ZNF804A: variants seen among roughly 807,000 people sequenced by gnomAD.
The protein encoded by ZNF804A is zinc finger protein 804A.
A neutral mutation model predicts 16.5 loss-of-function variants in ZNF804A; 2 were observed. The ratio of observed to expected loss-of-function variants is 0.12; its 90% CI spans 0.05 to 0.38. The LOEUF (loss-of-function observed/expected upper bound fraction) is 0.38, where lower values mean the gene tolerates loss of function less well. ZNF804A is among the 10% of genes least tolerant of loss of function. The pLI is 0.99. For synonymous variants in ZNF804A, 534 were observed against 489.6 expected, an observed-to-expected ratio of 1.09 and a Z score of -1.20; for missense variants, 1,473 against 1,390.7, an observed-to-expected ratio of 1.06 and a Z score of -0.94.
intron 1 of ZNF804A, among the ~76,000 whole-genome samples, chr2:184,656,506 T>C (rs928005219): frequency 6.6e-6 from 1 of 152,116 alleles, no homozygotes; most frequent in Non-Finnish European, 1.5e-5. Context: ...GAAAAAGTAG[T>C]GCTTACATAT....
chr2:184,920,001 T>C (rs1685505316), intron 2 of ZNF804A, among the ~76,000 whole-genome samples: 2 of 151,956 alleles, frequency 1.3e-5, no homozygotes, highest in South Asian at 4.2e-4. Context: ...TGTAGTTCCA[T>C]CTACTCGGGA....
intron 1 of ZNF804A, among the ~76,000 whole-genome samples, chr2:184,652,713 C>T (rs147390432): frequency 2.0e-5 from 3 of 152,122 alleles, no homozygotes; most frequent in African/African-American, 7.2e-5. Flanking sequence ...CTATATGGTT[C>T]GGCTGTGTCC....
intron 1 of ZNF804A, among the ~76,000 whole-genome samples, chr2:184,628,585 T>G (rs1574138086): frequency 6.6e-6 from 1 of 152,234 alleles, no homozygotes. Context: ...AATTAAATAT[T>G]TTTCAGTGAG....
chr2:184,752,705 C>T (rs996233188), intron 1 of ZNF804A, among the ~76,000 whole-genome samples: 7 of 151,398 alleles, frequency 4.6e-5, no homozygotes, highest in South Asian at 4.2e-4. Context: ...ATTCCTAATA[C>T]GTAAAGCTTA....
At chr2:184,721,112 TTAAACA>T (rs1298925946) in intron 1 of ZNF804A, among the ~76,000 whole-genome samples, 3 of 152,102 alleles carry the variant, frequency 2.0e-5, no homozygotes, top group African/African-American at 7.2e-5. Flanking sequence ...AATGAAAGAC[TTAAACA>T]TAAGACTCAA....
rs770834754 is a variant in ZNF804A at position 184,936,867 on chromosome 2, G to A, written c.1471G>A (p.Asp491Asn). 4 of 1,613,220 alleles carry A rather than the reference G, an allele frequency of 2.5e-6. No individual in the cohort carries two copies. Among genetic ancestry groups the A allele is most frequent in the Admixed American group, 3.3e-5 (2 of 59,836 alleles). Residue 491 changes from aspartate to asparagine, a missense_variant, in exon 4 of 4, where the codon GAC becomes AAC. Physicochemically the swap from Asp to Asn is conservative, Grantham distance 23. Coordinates refer to ENST00000302277, the MANE Select transcript of ZNF804A (RefSeq NM_194250.2). ...TCTTTGTTCTCAGCAGAAGCAGGAA[G>A]ACATTTGCATGGGACCACTTTCAGA... ...KDLCSQQKQE[D>N]ICMGPLSDYK...
At chr2:184,704,805 G>A (rs1385365908) in intron 1 of ZNF804A, among the ~76,000 whole-genome samples, 1 of 152,132 alleles carries the variant, frequency 6.6e-6, no homozygotes, top group East Asian at 1.9e-4. Flanking sequence ...ACACTGGGAA[G>A]GATAAAAAGC....
intron 2 of ZNF804A, among the ~76,000 whole-genome samples, chr2:184,912,085 T>C (rs373347263): frequency 2.6e-5 from 4 of 151,950 alleles, no homozygotes; most frequent in African/African-American, 9.7e-5. Flanking sequence ...GTGAACACCA[T>C]CCTTTTCTAG....
At chr2:184,890,473 T>C (rs868258929) in intron 2 of ZNF804A, among the ~76,000 whole-genome samples, 5 of 152,092 alleles carry the variant, frequency 3.3e-5, no homozygotes, top group Admixed American at 6.5e-5. Flanking sequence ...TAGAAGCAAA[T>C]GCTTCTTGGA....
At chr2:184,605,797 G>T (rs2105667834) in intron 1 of ZNF804A, among the ~76,000 whole-genome samples, 1 of 152,140 alleles carries the variant, frequency 6.6e-6, no homozygotes, top group East Asian at 1.9e-4. Context: ...AGAGATAACT[G>T]TGTACTGTAT....
intron 2 of ZNF804A, among the ~76,000 whole-genome samples, chr2:184,871,512 A>G (rs1356909643): frequency 2.6e-5 from 4 of 151,446 alleles, no homozygotes; most frequent in Non-Finnish European, 4.4e-5. Context: ...AAATAAACAT[A>G]TATATATATA....
Position 184,936,236 on chromosome 2 carries a change from AC to A in ZNF804A, c.842del (p.Pro281GlnfsTer16). On this transcript the variant is annotated frameshift_variant, in exon 4 of 4. Coordinates refer to ENST00000302277, the MANE Select transcript of ZNF804A (RefSeq NM_194250.2). LOFTEE classifies it low-confidence loss of function (END_TRUNC). ...SEEKTNSFHP[P>X]EAMCRDKETV... ...AGGAGAAAACTAACTCTTTTCATCC[AC>A]CAGAGGCAATGTGCAGAGACAAAGA... is the stretch of plus-strand genomic sequence containing the variant. 7.4e-6 allele frequency: 12 copies of A among 1,614,028 alleles called. No individual in the cohort carries two copies. Among genetic ancestry groups the A allele is most frequent in the Non-Finnish European group, 1.0e-5 (12 of 1,179,962 alleles).
chr2:184,605,158 G>A (rs1482601785), intron 1 of ZNF804A, among the ~76,000 whole-genome samples: 3 of 151,708 alleles, frequency 2.0e-5, no homozygotes, highest in South Asian at 2.1e-4. Flanking sequence ...GTTTCCTATC[G>A]TGTCCATTTA....
At chr2:184,601,889 GA>G (rs984719972) in intron 1 of ZNF804A, among the ~76,000 whole-genome samples, 3 of 151,752 alleles carry the variant, frequency 2.0e-5, no homozygotes, top group African/African-American at 7.2e-5. Context: ...TTCAAATTTA[GA>G]AAATAATTTT....
chr2:184,778,934 T>C (rs1485043667), intron 1 of ZNF804A, among the ~76,000 whole-genome samples: 7 of 151,760 alleles, frequency 4.6e-5, no homozygotes, highest in African/African-American at 7.3e-5. Context: ...AAAGATTATT[T>C]TTTGGAGTCA....
At chr2:184,715,852 T>C (rs1414834879) in intron 1 of ZNF804A, among the ~76,000 whole-genome samples, 1 of 152,196 alleles carries the variant, frequency 6.6e-6, no homozygotes, top group African/African-American at 2.4e-5. Context: ...TATGTTTACA[T>C]TGTTAGTTTT....
At chr2:184,765,733 G>A (rs988591263) in intron 1 of ZNF804A, among the ~76,000 whole-genome samples, 2 of 151,818 alleles carry the variant, frequency 1.3e-5, no homozygotes, top group Non-Finnish European at 2.9e-5. Flanking sequence ...TTAACTCAGT[G>A]TCTGAAGAGT....
At chr2:184,767,331 G>A (rs965714072) in intron 1 of ZNF804A, among the ~76,000 whole-genome samples, 3 of 152,098 alleles carry the variant, frequency 2.0e-5, no homozygotes, top group Non-Finnish European at 4.4e-5. Flanking sequence ...ATTGGGGTTA[G>A]TGAAATAAGC....
chr2:184,722,961 GC>G (rs1693341680), intron 1 of ZNF804A, among the ~76,000 whole-genome samples: 1 of 151,830 alleles, frequency 6.6e-6, no homozygotes, highest in African/African-American at 2.4e-5. Flanking sequence ...CTTTGCCTAG[GC>G]TATTAAGGTA....
Sources: gnomAD v4.1 joint callset for allele counts (sites outside exome capture counted in the v4.1 genomes callset) on GRCh38, gnomAD v4.1.1 for gene constraint, MANE v1.5 for transcripts, NCBI Gene and HGNC (gene_info 2026-07-23, HGNC 2026-07-21) for gene names.